The following PSD2 variants were observed in gnomAD, a reference collection of about 807,000 sequenced individuals.
PSD2 encodes pleckstrin and Sec7 domain containing 2.
PSD2 carries 38 observed loss-of-function variants against 69.8 expected under a neutral mutation model. That is an observed-to-expected ratio of 0.54 (90% confidence interval 0.42 to 0.71). The LOEUF (loss-of-function observed/expected upper bound fraction) is 0.71, where lower values mean the gene tolerates loss of function less well. PSD2 is among the 30% of genes least tolerant of loss of function. The pLI, the probability that PSD2 is intolerant of heterozygous loss-of-function variation, is 0.00. For synonymous variants in PSD2, 412 were observed against 423.0 expected (o/e 0.97, Z 0.32); for missense variants, 943 against 1,014.5 (o/e 0.93, Z 0.96).
intron 1 of PSD2, among the ~76,000 whole-genome samples, chr5:139,801,795 T>C (rs1416741552): frequency 1.3e-5 from 2 of 152,234 alleles, no homozygotes; most frequent in Non-Finnish European, 2.9e-5. Flanking sequence ...TCCCCAAACC[T>C]GCTCCACCCA....
chr5:139,776,288 G>A, the PSD2 span, among the ~76,000 whole-genome samples: 17 of 152,344 alleles, frequency 1.1e-4, 1 homozygote, highest in African/African-American at 3.6e-4. Context: ...TACAACCAGG[G>A]TCCCCCTAAA....
Position 139,813,599 on chromosome 5 carries a change from C to T in PSD2, c.662C>T (p.Pro221Leu). The T allele has an allele frequency of 1.2e-6, 2 of 1,613,962 alleles. No individual in the cohort carries two copies. Residue 221 changes from proline (P) to leucine (L), a missense_variant, in exon 3 of 15, where the codon CCC becomes CTC. By Grantham distance (98) the Pro-to-Leu change is moderately conservative. Transcript: ENST00000274710. ...AAGGDGELGSPLRRSISSSRS... is the reference protein window; with the variant it reads ...AAGGDGELGSLLRRSISSSRS... ...GGTGGTGATGGGGAGCTGGGCAGCC[C>T]CCTGCGGCGCTCCATCTCCAGCAGC...
At position 139,842,260 on chromosome 5, in the gene PSD2, C is replaced by A. The variant is rs1372736697; in HGVS notation, c.2113-11C>A. 1 of 1,612,558 alleles carries A rather than the reference C, an allele frequency of 6.2e-7. No individual in the cohort carries two copies. Among genetic ancestry groups the A allele is most frequent in the Non-Finnish European group, 8.5e-7 (1 of 1,178,766 alleles). On this transcript the variant is annotated splice_polypyrimidine_tract_variant and intron_variant, in intron 14 of 14. Transcript: ENST00000274710. The stretch of plus-strand genomic sequence containing the variant: ...TGTTGTCTTTTGACCTTGTGTTTGG[C>A]CTTTCCCCAGAAAAGCCGTTATGAG...
chr5:139,785,030 A>T, the PSD2 span, among the ~76,000 whole-genome samples: 1 of 152,018 alleles, frequency 6.6e-6, no homozygotes, highest in Non-Finnish European at 1.5e-5. Flanking sequence ...AAGTGCTGGG[A>T]TTACAGGCGT....
chr5:139,828,113 C>T (rs113716662), intron 7 of PSD2, among the ~76,000 whole-genome samples: 4,647 of 152,112 alleles, frequency 0.031, 211 homozygotes, highest in African/African-American at 0.093. Flanking sequence ...TGTCAGAGAA[C>T]GGTGATTCGC....
chr5:139,744,922 T>C, the PSD2 span: 1 of 152,372 alleles, frequency 6.6e-6, no homozygotes, highest in Non-Finnish European at 1.5e-5. Context: ...CAGGAGGGCA[T>C]GGTTTTACAG....
intron 2 of PSD2, among the ~76,000 whole-genome samples, chr5:139,812,080 C>T (rs76453676): frequency 0.059 from 8,972 of 152,212 alleles, 297 homozygotes; most frequent in Non-Finnish European, 0.078. Flanking sequence ...CATCTATGTG[C>T]GATGCTCTCT....
chr5:139,799,775 G>C (rs1334036956), intron 1 of PSD2, among the ~76,000 whole-genome samples: 3 of 152,092 alleles, frequency 2.0e-5, no homozygotes, highest in Non-Finnish European at 4.4e-5. Context: ...GTGTTGCTGG[G>C]GGGTATCGGA....
chr5:139,776,107 C>T, the PSD2 span, among the ~76,000 whole-genome samples: 41 of 152,336 alleles, frequency 2.7e-4, no homozygotes, highest in Admixed American at 1.2e-3. Context: ...ACCATGGTAA[C>T]GACACCGGCA....
At position 139,813,052 on chromosome 5, in the gene PSD2, A is replaced by G. The variant is rs532809838; in HGVS notation, c.372-257A>G. ...ACTGGGGCTTCTTAGAGCACACCAT[A>G]TTGAGGTGGCATCTTTACTTGAGAT... On this transcript the variant is annotated intron_variant, in intron 2 of 14. Coordinates refer to ENST00000274710, the MANE Select transcript of PSD2 (RefSeq NM_032289.4). Among the ~76,000 whole-genome samples the G allele has an allele frequency of 8.5e-5, 13 of 152,136 alleles. No homozygotes were observed. The East Asian group carries it at 2.5e-3, about 30-fold the overall frequency.
Position 139,814,147 on chromosome 5 carries a change from T to G in PSD2, c.822-23T>G. 6.2e-7 allele frequency: 1 copy of G among 1,608,776 alleles called. No homozygotes were observed. The highest frequency in any genetic ancestry group is 8.5e-7 in the Non-Finnish European group (1 of 1,178,096). ...TGACCCTGGGCCTCTGACGCTACTC[T>G]TCCACCCACCTTCCATCTGCAGTGA... On this transcript the variant is annotated intron_variant, in intron 3 of 14. Coordinates refer to ENST00000274710, the MANE Select transcript of PSD2 (RefSeq NM_032289.4). The surrounding 1 kb of genome is among the most constrained non-coding windows in gnomAD (Gnocchi z 4.4).
intron 1 of PSD2, among the ~76,000 whole-genome samples, chr5:139,797,695 T>C (rs1759565807): frequency 6.6e-6 from 1 of 152,198 alleles, no homozygotes; most frequent in Non-Finnish European, 1.5e-5. Flanking sequence ...GCATATGTGC[T>C]AAGTACCCTC....
chr5:139,759,088 G>T, the PSD2 span, among the ~76,000 whole-genome samples: 1 of 152,116 alleles, frequency 6.6e-6, no homozygotes, highest in Non-Finnish European at 1.5e-5. Flanking sequence ...AGAGCTGGGG[G>T]CTGAAATCTC....
the PSD2 span, among the ~76,000 whole-genome samples, chr5:139,747,202 C>T: frequency 6.6e-6 from 1 of 152,128 alleles, no homozygotes; most frequent in Non-Finnish European, 1.5e-5. This position sits in a 1 kb window ranked among gnomAD's most constrained non-coding sequence, Gnocchi z 6.7. Context: ...TGCTCATTTT[C>T]GTTCCTCTCT....
chr5:139,834,050 A>G (rs1760656263), intron 8 of PSD2, among the ~76,000 whole-genome samples: 1 of 152,170 alleles, frequency 6.6e-6, no homozygotes, highest in African/African-American at 2.4e-5. Context: ...CAACACTGCT[A>G]TGAACTGTCA....
chr5:139,812,424 C>T (rs1403512097), intron 2 of PSD2, among the ~76,000 whole-genome samples: 2 of 152,212 alleles, frequency 1.3e-5, no homozygotes, highest in East Asian at 1.9e-4. Flanking sequence ...GCTTGGGAAG[C>T]GTGGTTGGGG....
intron 7 of PSD2, among the ~76,000 whole-genome samples, chr5:139,828,853 A>G (rs2126957276): frequency 6.6e-6 from 1 of 151,430 alleles, no homozygotes; most frequent in South Asian, 2.1e-4. Context: ...GGGCAAGGAG[A>G]TGAGTTTGAG....
chr5:139,834,983 A>C (rs1360123510), intron 8 of PSD2, among the ~76,000 whole-genome samples: 1 of 150,890 alleles, frequency 6.6e-6, no homozygotes, highest in African/African-American at 2.4e-5. Flanking sequence ...CACTCCTCGC[A>C]TAGCAACCAC....
At position 139,801,012 on chromosome 5, in the gene PSD2, C is replaced by T. The variant is rs1434556206; in HGVS notation, c.-51+5037C>T. On this transcript the variant is annotated intron_variant, in intron 1 of 14. Coordinates refer to ENST00000274710, the MANE Select transcript of PSD2 (RefSeq NM_032289.4). ...CTGAGGTCAGGAGTTCAAGACCAGC[C>T]TGGCCAACATGACGAAATTCCGTCT... Among the ~76,000 whole-genome samples, 3 of 152,196 alleles carry T rather than the reference C, an allele frequency of 2.0e-5. No individual in the cohort carries two copies. In the East Asian group the frequency reaches 5.8e-4, roughly 29 times the overall value.
Sources: allele counts gnomAD v4.1 joint callset (sites outside exome capture counted in the v4.1 genomes callset), GRCh38; gene constraint gnomAD v4.1.1; non-coding constraint Gnocchi (gnomAD v3.1); transcripts MANE v1.5; gene names NCBI Gene and HGNC (gene_info 2026-07-23, HGNC 2026-07-21).